NTM: variants seen among roughly 807,000 people sequenced by gnomAD.
NTM encodes neurotrimin.
A neutral mutation model predicts 42.1 loss-of-function variants in NTM; 13 were observed. The observed-to-expected ratio is 0.31, with a 90% CI of 0.20 to 0.49. NTM has a LOEUF of 0.49. NTM is among the 20% of genes least tolerant of loss of function. NTM has a pLI of 0.99. For missense variants in NTM, 373 were observed against 452.8 expected (o/e 0.82, Z 1.60); for synonymous variants, 187 against 179.2 (o/e 1.04, Z -0.35).
rs2068024739 is a variant in NTM, at chr11:131,661,264, A to G, written c.83-250300A>G. 7 of 299,892 alleles carry G rather than the reference A, an allele frequency of 2.3e-5. No individual in the cohort carries two copies. The South Asian group carries it at 2.6e-4, about 11-fold the overall frequency. The allele number at this position is 299,892 out of a possible 1,614,324, so 18.6% of individuals were successfully genotyped here. On this transcript the variant is annotated intron_variant, in intron 1 of 8. Transcript: ENST00000683400. ...TTTCCTGGGTGAAGTTCCAAGTCAGAAAGGATTTGAGGTTTTGCACGCTAA... is the reference window on the plus strand; with the variant it reads ...TTTCCTGGGTGAAGTTCCAAGTCAGGAAGGATTTGAGGTTTTGCACGCTAA...
intron 2 of NTM, among the ~76,000 whole-genome samples, chr11:131,942,182 A>G (rs908630239): frequency 6.6e-6 from 1 of 152,254 alleles, no homozygotes; most frequent in African/African-American, 2.4e-5. Context: ...ACTGCTATGC[A>G]AAAGCAGAGA....
intron 1 of NTM, among the ~76,000 whole-genome samples, chr11:131,719,707 C>T (rs2078113302): frequency 6.6e-6 from 1 of 152,146 alleles, no homozygotes; most frequent in Non-Finnish European, 1.5e-5. Flanking sequence ...CAAGGGGACC[C>T]CACTTATTTT....
chr11:132,043,002 C>T (rs551574704), intron 2 of NTM, among the ~76,000 whole-genome samples: 15 of 152,192 alleles, frequency 9.9e-5, no homozygotes, highest in Admixed American at 2.6e-4. Context: ...GCCTCTGTTA[C>T]ATAAGTGGAA....
chr11:131,383,208 T>C (rs1385136727), intron 1 of NTM, among the ~76,000 whole-genome samples: 1 of 152,228 alleles, frequency 6.6e-6, no homozygotes, highest in Non-Finnish European at 1.5e-5. Flanking sequence ...ATAATCGATC[T>C]GAAAGCATGG....
At chr11:131,602,576 C>T (rs2060583204) in intron 1 of NTM, among the ~76,000 whole-genome samples, 2 of 152,268 alleles carry the variant, frequency 1.3e-5, no homozygotes, top group South Asian at 4.1e-4. Context: ...TTCAGATTCT[C>T]TACACTCTCC....
intron 2 of NTM, among the ~76,000 whole-genome samples, chr11:131,973,777 A>G (rs928317612): frequency 1.3e-5 from 2 of 152,196 alleles, no homozygotes; most frequent in African/African-American, 2.4e-5. Context: ...AGATTGCACC[A>G]CTGCACTCTA....
chr11:132,007,897 G>A (rs938102069), intron 2 of NTM, among the ~76,000 whole-genome samples: 5 of 152,152 alleles, frequency 3.3e-5, no homozygotes, highest in African/African-American at 1.2e-4. Flanking sequence ...CTTGAGAATG[G>A]AGGTAAAAGG....
chr11:131,693,617 G>A (rs1236403046), intron 1 of NTM, among the ~76,000 whole-genome samples: 2 of 152,152 alleles, frequency 1.3e-5, no homozygotes, highest in Non-Finnish European at 2.9e-5. Context: ...CTGTTGCTGA[G>A]CACCGTTTAT....
At chr11:131,400,688 T>G (rs1171096212) in intron 1 of NTM, among the ~76,000 whole-genome samples, 1 of 152,210 alleles carries the variant, frequency 6.6e-6, no homozygotes, top group East Asian at 1.9e-4. Context: ...AAAGAAAATC[T>G]GAAGTTTCTG....
intron 4 of NTM, among the ~76,000 whole-genome samples, chr11:132,290,906 T>C (rs574466588): frequency 5.8e-4 from 88 of 152,220 alleles, no homozygotes; most frequent in Non-Finnish European, 1.1e-3. Context: ...TTCCAGGTGG[T>C]AGTATGACAA....
intron 4 of NTM, among the ~76,000 whole-genome samples, chr11:132,290,258 A>ATT (rs112193288): frequency 7.5e-5 from 11 of 146,638 alleles, no homozygotes; most frequent in African/African-American, 9.9e-5. Flanking sequence ...AGATAGTCTG[A>ATT]TTTTTTTTTT....
At chr11:132,219,269 G>C (rs2084592138) in intron 4 of NTM, among the ~76,000 whole-genome samples, 1 of 152,122 alleles carries the variant, frequency 6.6e-6, no homozygotes, top group Admixed American at 6.5e-5. Flanking sequence ...AGATCCCACA[G>C]CACTTTGCGT....
chr11:131,878,588 AAAAAAAATATATATATATATATAT>A (rs2048897831), intron 1 of NTM, among the ~76,000 whole-genome samples: 1 of 54,116 alleles, frequency 1.8e-5, no homozygotes, highest in African/African-American at 8.5e-5. Context: ...AAAAAAAAAA[AAAAAAAATATATATATATATATAT>A]ATATATATAT....
At chr11:131,926,537 G>T (rs1008954109) in intron 2 of NTM, among the ~76,000 whole-genome samples, 1 of 152,088 alleles carries the variant, frequency 6.6e-6, no homozygotes, top group African/African-American at 2.4e-5. Context: ...GGAGGAGGAA[G>T]GGTCAAAGCT....
At chr11:131,442,347 C>T (rs1949689155) in intron 1 of NTM, among the ~76,000 whole-genome samples, 2 of 152,170 alleles carry the variant, frequency 1.3e-5, no homozygotes, top group Admixed American at 6.5e-5. Flanking sequence ...TCATCGATGA[C>T]AGCAATAGCA....
At chr11:131,925,325 T>C (rs191725147) in intron 2 of NTM, among the ~76,000 whole-genome samples, 40 of 152,118 alleles carry the variant, frequency 2.6e-4, no homozygotes, top group African/African-American at 8.9e-4. Flanking sequence ...CTCAAAAATG[T>C]TAAAGAGAAA....
chr11:131,552,830 AAT>A (rs1491515658), intron 1 of NTM, among the ~76,000 whole-genome samples: 10 of 151,612 alleles, frequency 6.6e-5, no homozygotes, highest in African/African-American at 1.2e-4. Context: ...AAAAAAAAAA[AAT>A]AATAGCCTCA....
intron 4 of NTM, among the ~76,000 whole-genome samples, chr11:132,246,520 C>T (rs1281806730): frequency 1.3e-5 from 2 of 152,206 alleles, no homozygotes; most frequent in African/African-American, 2.4e-5. Context: ...GAGCCATGTG[C>T]ACTCTCCCCC....
intron 1 of NTM, among the ~76,000 whole-genome samples, chr11:131,721,392 T>A (rs996003760): frequency 1.3e-5 from 2 of 152,126 alleles, no homozygotes; most frequent in Non-Finnish European, 2.9e-5. Flanking sequence ...GAGTCTCAGT[T>A]TTTTCATCTG....
Sources: gnomAD v4.1 joint callset for allele counts (sites outside exome capture counted in the v4.1 genomes callset) on GRCh38, gnomAD v4.1.1 for gene constraint, MANE v1.5 for transcripts, NCBI Gene and HGNC (gene_info 2026-07-23, HGNC 2026-07-21) for gene names.